Variants in C8orf34 observed in about 807,000 individuals in gnomAD.
The protein encoded by C8orf34 is uncharacterized protein C8orf34.
A neutral mutation model predicts 68.3 loss-of-function variants in C8orf34; 65 were observed. The observed-to-expected ratio is 0.95, with a 90% confidence interval of 0.78 to 1.17. C8orf34 has a LOEUF of 1.17. C8orf34 is among the 50% of genes most tolerant of loss of function. The probability of loss-of-function intolerance (pLI) is 0.00; values close to 1 mark genes in which losing one functional copy is unlikely to be tolerated. For missense variants in C8orf34, 664 were observed against 655.4 expected (o/e 1.01, Z -0.14); for synonymous variants, 244 against 241.2 (o/e 1.01, Z -0.11).
At chr8:68,603,292 A>C (rs72666731) in intron 7 of C8orf34, among the ~76,000 whole-genome samples, 234 of 152,204 alleles carry the variant, frequency 1.5e-3, no homozygotes, top group Non-Finnish European at 2.9e-3. Context: ...AGTTAAATAT[A>C]TACTTACCCT....
At chr8:68,660,624 G>A (rs1819643686) in intron 8 of C8orf34, among the ~76,000 whole-genome samples, 1 of 152,130 alleles carries the variant, frequency 6.6e-6, no homozygotes, top group Admixed American at 6.5e-5. Context: ...TTCTTCCATT[G>A]TTGCCTGCCT....
intron 8 of C8orf34, among the ~76,000 whole-genome samples, chr8:68,708,746 G>A (rs1489540471): frequency 1.3e-5 from 2 of 152,194 alleles, no homozygotes; most frequent in Non-Finnish European, 2.9e-5. Context: ...AGTCTGAGAA[G>A]AAAAGCAGAT....
At chr8:68,780,679 G>T (rs1263825268) in intron 11 of C8orf34, among the ~76,000 whole-genome samples, 2 of 152,192 alleles carry the variant, frequency 1.3e-5, no homozygotes, top group South Asian at 4.1e-4. Flanking sequence ...CAGCACTTTG[G>T]GAGGCCGAGG....
At chr8:68,785,686 T>C (rs139961681) in intron 11 of C8orf34, among the ~76,000 whole-genome samples, 148 of 152,352 alleles carry the variant, frequency 9.7e-4, no homozygotes, top group African/African-American at 3.4e-3. Context: ...AACTTCCTAA[T>C]TGATTTTTTT....
intron 1 of C8orf34, among the ~76,000 whole-genome samples, chr8:68,399,647 A>G (rs1485322856): frequency 6.6e-6 from 1 of 152,170 alleles, no homozygotes. Flanking sequence ...TCTTGATATA[A>G]TAATTTCTTT....
intron 1 of C8orf34, among the ~76,000 whole-genome samples, chr8:68,369,286 C>T (rs1383152280): frequency 6.6e-6 from 1 of 152,224 alleles, no homozygotes; most frequent in African/African-American, 2.4e-5. Flanking sequence ...CAACAGGCCA[C>T]TCAAGTGGAC....
intron 10 of C8orf34, among the ~76,000 whole-genome samples, chr8:68,746,419 C>A (rs1317057596): frequency 8.6e-5 from 8 of 92,670 alleles, no homozygotes; most frequent in African/African-American, 3.3e-4. Flanking sequence ...ACACAAAAAA[C>A]CCTTCAAAAA....
chr8:68,401,587 G>A (rs1044334901), intron 1 of C8orf34, among the ~76,000 whole-genome samples: 2 of 151,654 alleles, frequency 1.3e-5, no homozygotes, highest in African/African-American at 4.8e-5. Flanking sequence ...GTCATAAGGG[G>A]ATGCTGAATT....
chr8:68,458,039 G>T (rs2129628381), intron 3 of C8orf34, among the ~76,000 whole-genome samples: 1 of 151,930 alleles, frequency 6.6e-6, no homozygotes, highest in Non-Finnish European at 1.5e-5. Context: ...AAATCACCCA[G>T]CATGGGTGAT....
At chr8:68,603,450 G>T (rs565373590) in intron 7 of C8orf34, among the ~76,000 whole-genome samples, 1 of 151,230 alleles carries the variant, frequency 6.6e-6, no homozygotes, top group East Asian at 1.9e-4. Context: ...TGTTCATCTG[G>T]AATATACCCA....
At chr8:68,744,016 C>G (rs990000842) in intron 10 of C8orf34, among the ~76,000 whole-genome samples, 1 of 152,102 alleles carries the variant, frequency 6.6e-6, no homozygotes, top group African/African-American at 2.4e-5. Context: ...AGTGGTTCTC[C>G]CAGCATGCAG....
intron 12 of C8orf34, among the ~76,000 whole-genome samples, chr8:68,814,090 A>G (rs1824735747): frequency 6.6e-6 from 1 of 152,162 alleles, no homozygotes; most frequent in Non-Finnish European, 1.5e-5. Flanking sequence ...TTACTCATCT[A>G]TCTCCAAGTA....
intron 8 of C8orf34, among the ~76,000 whole-genome samples, chr8:68,680,609 C>A (rs1820340039): frequency 6.6e-6 from 1 of 152,020 alleles, no homozygotes; most frequent in Non-Finnish European, 1.5e-5. Flanking sequence ...TAATAAGGGT[C>A]TAACAAAGAT....
At chr8:68,589,906 T>A (rs1434712002) in intron 7 of C8orf34, among the ~76,000 whole-genome samples, 16 of 71,670 alleles carry the variant, frequency 2.2e-4, no homozygotes, top group Admixed American at 9.9e-4. Flanking sequence ...GGAAAGGAAG[T>A]AAGAAAAAGA....
chr8:68,776,776 A>C (rs745701526), intron 11 of C8orf34, among the ~76,000 whole-genome samples: 3 of 152,142 alleles, frequency 2.0e-5, no homozygotes, highest in Non-Finnish European at 4.4e-5. Context: ...AGTGTGCACA[A>C]AAAAAGACAC....
intron 11 of C8orf34, among the ~76,000 whole-genome samples, chr8:68,777,432 T>C (rs1012254350): frequency 1.3e-5 from 2 of 152,236 alleles, no homozygotes; most frequent in South Asian, 2.1e-4. Flanking sequence ...TAACGTGCAA[T>C]GTAAATGTAC....
At chr8:68,385,800 T>C (rs1808234248) in intron 1 of C8orf34, among the ~76,000 whole-genome samples, 1 of 152,240 alleles carries the variant, frequency 6.6e-6, no homozygotes, top group Admixed American at 6.5e-5. Flanking sequence ...ATGATTGGTA[T>C]GAGCCTGGAG....
At chr8:68,627,095 C>G (rs1017263141) in intron 7 of C8orf34, among the ~76,000 whole-genome samples, 3 of 152,146 alleles carry the variant, frequency 2.0e-5, no homozygotes, top group Non-Finnish European at 4.4e-5. Context: ...TTTTACCCAT[C>G]ATCTTACAAT....
intron 1 of C8orf34, among the ~76,000 whole-genome samples, chr8:68,396,542 A>C (rs73260731): frequency 0.041 from 6,244 of 151,344 alleles, 201 homozygotes; most frequent in African/African-American, 0.09. Context: ...TTATAGTTTC[A>C]ATATCTGTCC....
Sources: gnomAD v4.1 joint callset for allele counts (sites outside exome capture counted in the v4.1 genomes callset) on GRCh38, gnomAD v4.1.1 for gene constraint, MANE v1.5 for transcripts, NCBI Gene and HGNC (gene_info 2026-07-23, HGNC 2026-07-21) for gene names.